Variants in SERPINB3 observed in about 807,000 individuals in gnomAD.
SERPINB3 encodes the protein serpin B3.
Under a neutral mutation model 33.0 loss-of-function variants are expected in SERPINB3, and 33 were observed. That is an observed-to-expected ratio of 1.00 (90% CI 0.76 to 1.34). SERPINB3 has a LOEUF of 1.34. SERPINB3 is among the 40% of genes most tolerant of loss of function. SERPINB3 has a pLI of 0.00. For missense variants in SERPINB3, 518 were observed against 461.5 expected (o/e 1.12, Z -1.12); for synonymous variants, 200 against 170.9 (o/e 1.17, Z -1.33).
chr18:63,658,080 A>T (rs1913545565), intron 5 of SERPINB3, among the ~76,000 whole-genome samples: 1 of 152,136 alleles, frequency 6.6e-6, no homozygotes, highest in Admixed American at 6.6e-5. Context: ...AGGCAGCTCT[A>T]GTTCAGATGG....
chr18:63,655,570 C>G lies in SERPINB3; in HGVS notation c.*87G>C, dbSNP rs1274493897. The G allele has an allele frequency of 2.9e-6, 4 of 1,376,816 alleles. No individual in the cohort carries two copies. The East Asian group carries it at 7.0e-5, about 24-fold the overall frequency. 85.3% of individuals were successfully genotyped at this position (1,376,816 alleles called of 1,614,324 possible). A position where few individuals can be genotyped will look rare whatever the true frequency, so the allele number is the denominator to read the frequency against. On this transcript the variant is annotated 3_prime_UTR_variant, in exon 8 of 8. Transcript: ENST00000283752. ...AGATGAGAAAGAAAAGAAATATGAGCCAAGAGAATCTGTTGTTGCCAGCAA... is the reference window on the plus strand; with the variant it reads ...AGATGAGAAAGAAAAGAAATATGAGGCAAGAGAATCTGTTGTTGCCAGCAA...
chr18:63,659,124 C>T (rs545921109), intron 4 of SERPINB3, among the ~76,000 whole-genome samples: 14 of 152,252 alleles, frequency 9.2e-5, no homozygotes, highest in South Asian at 4.1e-4. Context: ...GCCAGTTTAT[C>T]GATGGTATCT....
At chr18:63,658,334 T>G in intron 5 of SERPINB3, among the ~76,000 whole-genome samples, 179 bp downstream of exon 5, 1 of 152,118 alleles carries the variant, frequency 6.6e-6, no homozygotes. Flanking sequence ...GATTTCCTCC[T>G]TGGCTCCCCT....
At position 63,658,554 on chromosome 18, in the gene SERPINB3, C is replaced by A. The variant is rs762078891; in HGVS notation, c.428G>T (p.Ser143Ile). The A allele has an allele frequency of 1.2e-6, 2 of 1,613,238 alleles. No homozygotes were observed. The highest frequency in any genetic ancestry group is 2.2e-5 in the South Asian group (2 of 91,052). ...CACCCAGGAGTTAATCTTCTTTCGACTTTCTTCTGGAGCATTTGCAAAATC... is the reference window on the plus strand; with the variant it reads ...CACCCAGGAGTTAATCTTCTTTCGAATTTCTTCTGGAGCATTTGCAAAATC... ...SVDFANAPEE[S>I]RKKINSWVES... The change falls in exon 5 of 8, where the codon AGT (serine) becomes ATT (isoleucine). Residue 143 changes from serine (S) to isoleucine (I), a missense_variant. Transcript: ENST00000283752.
At chr18:63,658,120 G>C (rs528450242) in intron 5 of SERPINB3, among the ~76,000 whole-genome samples, 7 of 152,158 alleles carry the variant, frequency 4.6e-5, no homozygotes, top group South Asian at 4.2e-4. Flanking sequence ...AGAGCTGCTT[G>C]TTTCCCAATT....
In SERPINB3 at chr18:63,655,725, A is replaced by G; in HGVS notation, c.1105T>C (p.Phe369Leu). The G allele has an allele frequency of 6.2e-7, 1 of 1,613,960 alleles. No individual in the cohort carries two copies. ...TTATTTTGCCTTATGAAGAATAGGAAAGGGTGATTACAATGGAACTCTTCA... is the reference window on the plus strand; with the variant it reads ...TTATTTTGCCTTATGAAGAATAGGAGAGGGTGATTACAATGGAACTCTTCA... ...TNEEFHCNHP[F>L]LFFIRQNKTN... The change falls in exon 8 of 8, where the codon TTC (phenylalanine) becomes CTC (leucine). Residue 369 changes from phenylalanine (F) to leucine (L), a missense_variant. Coordinates refer to ENST00000283752, the MANE Select transcript of SERPINB3 (RefSeq NM_006919.3).
At position 63,656,851 on chromosome 18, in the gene SERPINB3, C is replaced by A. The variant is rs1197645784; in HGVS notation, c.748G>T (p.Glu250Ter). The A allele has an allele frequency of 2.5e-6, 4 of 1,610,784 alleles. No individual in the cohort carries two copies. The African/African-American group carries it at 5.3e-5, about 22-fold the overall frequency. ...DLSMIVLLPN[E>*]IDGLQKLEEK... ...CTTACCTTCTGGAGACCATCGATTT[C>A]ATTTGGCAGCAACACAATCATGCTT... Residue 250 changes from glutamate (E) to a stop codon, truncating the protein, a stop_gained, in exon 7 of 8, where the codon GAA (glutamate) becomes TAA (stop). Transcript: ENST00000283752. LOFTEE classifies it low-confidence loss of function (END_TRUNC).
chr18:63,660,034 G>C (rs957682633), intron 3 of SERPINB3, among the ~76,000 whole-genome samples: 12 of 152,164 alleles, frequency 7.9e-5, no homozygotes, highest in African/African-American at 2.9e-4. Context: ...CGTAAGAAGA[G>C]TGTGTGCCAG....
chr18:63,657,721 G>A (rs1200216802), intron 5 of SERPINB3, among the ~76,000 whole-genome samples: 2 of 150,306 alleles, frequency 1.3e-5, no homozygotes, highest in Admixed American at 1.3e-4. Flanking sequence ...AACTGATTTT[G>A]TCTACTCTTT....
chr18:63,656,481 C>T (rs1370885242), intron 7 of SERPINB3, among the ~76,000 whole-genome samples: 1 of 152,122 alleles, frequency 6.6e-6, no homozygotes, highest in Admixed American at 6.5e-5. Flanking sequence ...TATTAAATTG[C>T]AATTCCCCAA....
intron 5 of SERPINB3, among the ~76,000 whole-genome samples, 161 bp from the exon 6 acceptor site, chr18:63,657,573 G>T (rs1180101008): frequency 1.3e-5 from 2 of 152,114 alleles, no homozygotes; most frequent in Non-Finnish European, 2.9e-5. Context: ...CTGACCAGTG[G>T]TTCACCAGAT....
At chr18:63,659,650 C>T (rs1429379513) in intron 3 of SERPINB3, 123 bp from the exon 4 acceptor site, 84 of 1,303,564 alleles carry the variant, frequency 6.4e-5, no homozygotes, top group East Asian at 2.3e-5. Context: ...TGAGCTTATT[C>T]CCTGATACTT....
chr18:63,657,632 CA>C (rs1740646825), intron 5 of SERPINB3, among the ~76,000 whole-genome samples: 1 of 152,106 alleles, frequency 6.6e-6, no homozygotes, highest in African/African-American at 2.4e-5. Context: ...TTAATGGAGA[CA>C]TCACTTCTTG....
intron 6 of SERPINB3, 31 bp from the exon 7 acceptor site, chr18:63,657,017 C>T (rs749454876): frequency 1.9e-6 from 3 of 1,556,606 alleles, no homozygotes; most frequent in African/African-American, 2.7e-5. Context: ...CAACAAATAC[C>T]AAGTGAGACA....
In SERPINB3 at chr18:63,655,314, A is replaced by C. The variant is rs950264287; in HGVS notation, c.*343T>G. On this transcript the variant is annotated 3_prime_UTR_variant, in exon 8 of 8. Transcript: ENST00000283752. The stretch of plus-strand genomic sequence containing the variant: ...GAAATGTGTGTTTCTAGGTTGCTAA[A>C]TTCAAAGAAAAAGTATGATTTGGTT... The C allele has an allele frequency of 5.3e-6, 1 of 189,264 alleles. No homozygotes were observed. The highest frequency in any genetic ancestry group is 5.6e-5 in the Admixed American group (1 of 17,948). The allele number at this position is 189,264 out of a possible 1,614,324, so 11.7% of individuals were successfully genotyped here.
chr18:63,659,942 C>A (rs536808554), intron 3 of SERPINB3, among the ~76,000 whole-genome samples: 2 of 152,264 alleles, frequency 1.3e-5, no homozygotes, highest in South Asian at 4.1e-4. Context: ...CCAGGAAGCC[C>A]TGTTATACCT....
chr18:63,661,191 G>T lies in SERPINB3; in HGVS notation c.26C>A (p.Thr9Asn), dbSNP rs1240038235. 1.2e-6 allele frequency: 2 copies of T among 1,613,466 alleles called. No individual in the cohort carries two copies. The highest frequency in any genetic ancestry group is 1.7e-5 in the Admixed American group (1 of 59,972). MNSLSEAN[T>N]KFMFDLFQQF... ...TTGGAACAGGTCGAACATGAACTTG[G>T]TGTTGGCTTCACTGAGTGAATTCAT... The change falls in exon 2 of 8, where the codon ACC becomes AAC. Residue 9 changes from threonine to asparagine, a missense_variant. Coordinates refer to ENST00000283752, the MANE Select transcript of SERPINB3 (RefSeq NM_006919.3).
In SERPINB3 at chr18:63,657,000, A is replaced by G. The variant is rs750922283; in HGVS notation, c.613-14T>C. ...CTTGTATGTATTCTACAATAAATCAATGTGTCCAACAAATACCAAGTGAGA... is the reference window on the plus strand; with the variant it reads ...CTTGTATGTATTCTACAATAAATCAGTGTGTCCAACAAATACCAAGTGAGA... On this transcript the variant is annotated splice_polypyrimidine_tract_variant and intron_variant, in intron 6 of 7. Coordinates refer to ENST00000283752, the MANE Select transcript of SERPINB3 (RefSeq NM_006919.3). The G allele has an allele frequency of 1.1e-5, 17 of 1,592,368 alleles. No homozygotes were observed. The highest frequency in any genetic ancestry group is 1.0e-4 in the Admixed American group (6 of 59,350).
rs61733411 is a variant in SERPINB3, at chr18:63,656,980, A to G, written c.619T>C (p.Tyr207His). The G allele has an allele frequency of 2.0e-3, 3,193 of 1,605,626 alleles. 8 individuals are homozygous for G. The highest frequency in any genetic ancestry group is 2.2e-3 in the Non-Finnish European group (2,577 of 1,174,518). Residue 207 changes from tyrosine (Y) to histidine (H), a missense_variant, in exon 7 of 8, where the codon TAC becomes CAC. Tyr to His is a moderately conservative substitution (Grantham distance 83). Transcript: ENST00000283752. ...EEKFWPNKNT[Y>H]KSIQMMRQYT... ...TGCCTCATCATCTGTATGGACTTGT[A>G]TGTATTCTACAATAAATCAATGTGT...
Sources: allele counts gnomAD v4.1 joint callset (sites outside exome capture counted in the v4.1 genomes callset), GRCh38; gene constraint gnomAD v4.1.1; transcripts MANE v1.5; gene names NCBI Gene and HGNC (gene_info 2026-07-23, HGNC 2026-07-21).